DTWD2: variants seen among roughly 807,000 people sequenced by gnomAD.
DTWD2 encodes the protein DTW motif tRNA-uridine aminocarboxypropyltransferase 2, also known as tRNA-uridine aminocarboxypropyltransferase 2.
DTWD2 carries 39 observed loss-of-function variants against 31.8 expected under a neutral mutation model. That is an observed-to-expected ratio of 1.22 (90% CI 0.95 to 1.60). The LOEUF is 1.60. Among genes scored for constraint, DTWD2 ranks in the 40% most tolerant of loss-of-function variants. The pLI, the probability that DTWD2 is intolerant of heterozygous loss-of-function variation, is 0.00. For synonymous variants in DTWD2, 180 were observed against 142.8 expected, an observed-to-expected ratio of 1.26 and a Z score of -1.86; for missense variants, 515 against 381.5, an observed-to-expected ratio of 1.35 and a Z score of -2.92.
intron 4 of DTWD2, among the ~76,000 whole-genome samples, chr5:118,905,176 T>C (rs1049767107): frequency 6.6e-6 from 1 of 152,134 alleles, no homozygotes; most frequent in South Asian, 2.1e-4. Flanking sequence ...ATTACCCACA[T>C]TTGATTTGTT....
At chr5:118,937,363 G>T (rs568701706) in intron 3 of DTWD2, among the ~76,000 whole-genome samples, 1 of 142,586 alleles carries the variant, frequency 7.0e-6, no homozygotes, top group Non-Finnish European at 1.5e-5. Context: ...CATGAAGGCA[G>T]CTCTTATATG....
intron 4 of DTWD2, among the ~76,000 whole-genome samples, chr5:118,910,642 G>C (rs916396417): frequency 1.3e-5 from 2 of 151,978 alleles, no homozygotes; most frequent in Non-Finnish European, 2.9e-5. Flanking sequence ...ATCCAGTTCC[G>C]AACCTGCCTC....
Position 118,846,920 on chromosome 5 carries a change from G to A in DTWD2, c.726+1170C>T, listed in dbSNP as rs1248190816. On this transcript the variant is annotated intron_variant, in intron 5 of 5. Coordinates refer to ENST00000510708, the MANE Select transcript of DTWD2 (RefSeq NM_173666.4). ...AAACAAAGTCTACTCAAACACACAG[G>A]CACACACACACACACACACACACAC... Among the ~76,000 whole-genome samples, 31 of 134,970 alleles carry A rather than the reference G, an allele frequency of 2.3e-4. No homozygotes were observed. In the East Asian group the frequency reaches 2.7e-3, roughly 12 times the overall value. 88.5% of individuals were successfully genotyped at this position (134,970 alleles called of 152,430 possible). A position where few individuals can be genotyped will look rare whatever the true frequency, so the allele number is the denominator to read the frequency against.
At chr5:118,878,305 A>G (rs957279912) in intron 4 of DTWD2, among the ~76,000 whole-genome samples, 8 of 152,234 alleles carry the variant, frequency 5.3e-5, no homozygotes, top group African/African-American at 1.9e-4. Context: ...TATTGGTATG[A>G]AAACAGACAC....
intron 4 of DTWD2, among the ~76,000 whole-genome samples, chr5:118,925,748 G>C (rs1386354707): frequency 6.6e-6 from 1 of 151,988 alleles, no homozygotes; most frequent in African/African-American, 2.4e-5. Flanking sequence ...AGGAGGCTGA[G>C]GCAGGAGAAT....
chr5:118,974,504 C>T, intron 1 of DTWD2: 5 of 457,784 alleles, frequency 1.1e-5, no homozygotes, highest in South Asian at 1.7e-5. Context: ...TCTGACTTTA[C>T]TTGTGGTGTG....
intron 3 of DTWD2, among the ~76,000 whole-genome samples, chr5:118,933,751 T>C (rs1057321658): frequency 3.3e-5 from 5 of 152,060 alleles, no homozygotes; most frequent in Non-Finnish European, 7.4e-5. Context: ...TCACCACTGC[T>C]ATTCAATCCC....
intron 1 of DTWD2, 100 bp downstream of exon 1, chr5:118,988,194 C>G (rs1026963896): frequency 7.6e-6 from 11 of 1,439,742 alleles, no homozygotes; most frequent in Admixed American, 2.0e-5. Flanking sequence ...CCGCCCTAAT[C>G]GCAGAGCTGC....
chr5:118,963,386 C>T (rs1754749183), intron 1 of DTWD2, among the ~76,000 whole-genome samples: 1 of 152,212 alleles, frequency 6.6e-6, no homozygotes, highest in African/African-American at 2.4e-5. Context: ...TGGAGCCAAA[C>T]ATTAAAAAGC....
In DTWD2 at chr5:118,939,178, CCCTAACAGTTAATTTA is replaced by C; in HGVS notation, c.404+2_404+17del. ...GTGTAGAAAAGAATTATTTACATTG[CCCTAACAGTTAATTTA>C]CCTTTCTTCACTGAAGCGACGACCG... On this transcript the variant is annotated splice_donor_variant and splice_donor_5th_base_variant and intron_variant, in intron 3 of 5. Transcript: ENST00000510708. LOFTEE classifies it high-confidence loss of function. 1 of 1,590,830 alleles carries C rather than the reference CCCTAACAGTTAATTTA, an allele frequency of 6.3e-7. No homozygotes were observed. Among genetic ancestry groups the C allele is most frequent in the South Asian group, 1.1e-5 (1 of 87,006 alleles).
intron 1 of DTWD2, among the ~76,000 whole-genome samples, chr5:118,975,967 A>C (rs1755147323): frequency 1.3e-5 from 2 of 152,244 alleles, no homozygotes; most frequent in Non-Finnish European, 2.9e-5. Context: ...CAGCAAATGC[A>C]AAAGAATGGA....
chr5:118,988,297 C>CA lies in DTWD2; in HGVS notation c.214dup (p.Cys72LeufsTer53). ...CCGCCCCCAGCCCCGCGGTCACCTG[C>CA]AGCGGGTGCACTCAGGCCTCCGCTC... On this transcript the variant is annotated frameshift_variant, in exon 1 of 6. Coordinates refer to ENST00000510708, the MANE Select transcript of DTWD2 (RefSeq NM_173666.4). LOFTEE classifies it high-confidence loss of function. 6.6e-7 allele frequency: 1 copy of CA among 1,523,230 alleles called. No individual in the cohort carries two copies. Among genetic ancestry groups the CA allele is most frequent in the Middle Eastern group, 2.2e-4 (1 of 4,466 alleles). 94.4% of individuals were successfully genotyped at this position (1,523,230 alleles called of 1,614,324 possible). A position where few individuals can be genotyped will look rare whatever the true frequency, so the allele number is the denominator to read the frequency against.
At chr5:118,889,112 G>C (rs1752926699) in intron 4 of DTWD2, among the ~76,000 whole-genome samples, 1 of 152,112 alleles carries the variant, frequency 6.6e-6, no homozygotes. Flanking sequence ...GAAAGTCCAA[G>C]TCAATGTGTT....
intron 4 of DTWD2, among the ~76,000 whole-genome samples, chr5:118,894,193 A>G (rs1357202748): frequency 6.6e-6 from 1 of 152,082 alleles, no homozygotes; most frequent in East Asian, 1.9e-4. Flanking sequence ...CTTCTAATCC[A>G]CTTTTAAACT....
chr5:118,944,644 G>A lies in DTWD2; in HGVS notation c.224C>T (p.Pro75Leu), dbSNP rs1453018844. 3.7e-6 allele frequency: 6 copies of A among 1,612,614 alleles called. No individual in the cohort carries two copies. The highest frequency in any genetic ancestry group is 1.1e-5 in the South Asian group (1 of 90,958). Residue 75 changes from proline (P) to leucine (L), a missense_variant, in exon 2 of 6, where the codon CCT becomes CTT. By Grantham distance (98) the Pro-to-Leu change is moderately conservative (BLOSUM62 -3). Transcript: ENST00000510708. ...AAATGGACACAAACACACTTTCTGA[G>A]GCCGGCTAAAGGGTAAAAAGAAAAA... Reference protein sequence around the residue: ...RRPECTRCSRPQKVCLCPFLP... With the variant: ...RRPECTRCSRLQKVCLCPFLP...
At chr5:118,856,876 G>C (rs148081782) in intron 4 of DTWD2, among the ~76,000 whole-genome samples, 2,310 of 147,748 alleles carry the variant, frequency 0.016, 50 homozygotes, top group African/African-American at 0.055. Context: ...GGGCTCAAGG[G>C]ACTCTCCTGC....
chr5:118,922,766 C>T (rs1753730963), intron 4 of DTWD2, among the ~76,000 whole-genome samples: 1 of 152,062 alleles, frequency 6.6e-6, no homozygotes, highest in Non-Finnish European at 1.5e-5. Flanking sequence ...TTTAAATCAT[C>T]CTTCTGAAAA....
intron 4 of DTWD2, among the ~76,000 whole-genome samples, chr5:118,853,153 C>T (rs950820597): frequency 6.6e-6 from 1 of 152,144 alleles, no homozygotes; most frequent in Non-Finnish European, 1.5e-5. Flanking sequence ...ATACCCTAAA[C>T]CTCAGCATCA....
chr5:118,963,966 T>C (rs1019089711), intron 1 of DTWD2, among the ~76,000 whole-genome samples: 2 of 152,116 alleles, frequency 1.3e-5, no homozygotes, highest in African/African-American at 2.4e-5. Flanking sequence ...TCCCAGTACT[T>C]TGGGAGGCCG....
Sources: allele counts gnomAD v4.1 joint callset (sites outside exome capture counted in the v4.1 genomes callset), GRCh38; gene constraint gnomAD v4.1.1; transcripts MANE v1.5; gene names NCBI Gene and HGNC (gene_info 2026-07-23, HGNC 2026-07-21).